Variants in SND1 observed in about 807,000 individuals in gnomAD.
SND1 encodes staphylococcal nuclease domain-containing protein 1.
SND1 carries 38 observed loss-of-function variants against 121.7 expected under a neutral mutation model. That is an observed-to-expected ratio of 0.31 (90% CI 0.24 to 0.41). SND1 has a LOEUF of 0.41. Among genes scored for constraint, SND1 ranks in the 10% least tolerant of loss-of-function variants. The probability of loss-of-function intolerance (pLI) is 1.00; values close to 1 mark genes in which losing one functional copy is unlikely to be tolerated. For synonymous variants in SND1, 401 were observed against 447.4 expected, an observed-to-expected ratio of 0.90 and a Z score of 1.31; for missense variants, 868 against 1,184.6, an observed-to-expected ratio of 0.73 and a Z score of 3.92.
chr7:127,847,083 C>T (rs768258379), intron 12 of SND1, among the ~76,000 whole-genome samples: 88 of 152,204 alleles, frequency 5.8e-4, no homozygotes, highest in Non-Finnish European at 9.9e-4. Context: ...GCCTAACCAA[C>T]ATGGTGAAAC....
chr7:127,881,256 A>G (rs1474670090), intron 12 of SND1, among the ~76,000 whole-genome samples: 3 of 152,160 alleles, frequency 2.0e-5, no homozygotes, highest in Non-Finnish European at 4.4e-5. Context: ...AAAGGGGTAC[A>G]TAAGCTTCTG....
At chr7:128,043,467 G>C (rs1792890901) in intron 16 of SND1, among the ~76,000 whole-genome samples, 1 of 151,984 alleles carries the variant, frequency 6.6e-6, no homozygotes, top group South Asian at 2.1e-4. Flanking sequence ...CCAGCTACTT[G>C]GGAGGCTGAG....
At chr7:127,815,124 G>T (rs937280129) in intron 11 of SND1, among the ~76,000 whole-genome samples, 16 of 152,062 alleles carry the variant, frequency 1.1e-4, no homozygotes, top group Non-Finnish European at 5.9e-5. Flanking sequence ...CATGAGTATT[G>T]CTAGCTTGGA....
intron 10 of SND1, among the ~76,000 whole-genome samples, chr7:127,792,426 G>T (rs928570089): frequency 1.3e-5 from 2 of 152,146 alleles, no homozygotes; most frequent in Admixed American, 1.3e-4. Flanking sequence ...GATCCAGTAA[G>T]GAGACAGAAA....
chr7:127,845,444 G>A (rs574024306), intron 12 of SND1, among the ~76,000 whole-genome samples: 12 of 152,246 alleles, frequency 7.9e-5, no homozygotes, highest in Non-Finnish European at 1.3e-4. Flanking sequence ...GGCATTTGAT[G>A]TTTACCTTCA....
At chr7:128,032,385 GGCGAGCGA>G (rs1010665287) in intron 16 of SND1, among the ~76,000 whole-genome samples, 3 of 151,542 alleles carry the variant, frequency 2.0e-5, no homozygotes, top group Non-Finnish European at 4.4e-5. Flanking sequence ...AGGGCGAGCG[GGCGAGCGA>G]GCCGGAGTGA....
intron 12 of SND1, among the ~76,000 whole-genome samples, chr7:127,880,977 A>G (rs1352606711): frequency 1.3e-5 from 2 of 152,146 alleles, no homozygotes; most frequent in Non-Finnish European, 2.9e-5. Flanking sequence ...AGATCTCACC[A>G]GATAATCAGG....
intron 13 of SND1, among the ~76,000 whole-genome samples, chr7:127,901,411 G>A (rs1415714010): frequency 6.6e-6 from 1 of 152,160 alleles, no homozygotes; most frequent in Non-Finnish European, 1.5e-5. Flanking sequence ...ATCTCTTGCT[G>A]TGGCATCAGA....
At chr7:127,720,212 A>T (rs555806261) in intron 9 of SND1, among the ~76,000 whole-genome samples, 1 of 152,186 alleles carries the variant, frequency 6.6e-6, no homozygotes, top group African/African-American at 2.4e-5. Context: ...TGTTTCACGC[A>T]TGAAAGAGGA....
At chr7:127,823,005 G>A (rs186522629) in intron 11 of SND1, among the ~76,000 whole-genome samples, 9 of 152,270 alleles carry the variant, frequency 5.9e-5, no homozygotes, top group African/African-American at 1.4e-4. Context: ...TTGTAAGAGC[G>A]TAATCGATAA....
At chr7:128,037,768 G>A (rs1792776605) in intron 16 of SND1, among the ~76,000 whole-genome samples, 1 of 152,200 alleles carries the variant, frequency 6.6e-6, no homozygotes, top group Admixed American at 6.5e-5. Context: ...CATCACATGA[G>A]CCAAGAGAAG....
At chr7:127,713,069 A>T (rs1468115021) in intron 9 of SND1, among the ~76,000 whole-genome samples, 1 of 152,260 alleles carries the variant, frequency 6.6e-6, no homozygotes, top group Non-Finnish European at 1.5e-5. Flanking sequence ...GTTGTAAAAC[A>T]GGGATTGGAC....
intron 15 of SND1, among the ~76,000 whole-genome samples, chr7:127,972,693 C>T (rs900857000): frequency 6.6e-6 from 1 of 152,218 alleles, no homozygotes; most frequent in African/African-American, 2.4e-5. Context: ...AATTATCCTA[C>T]CTCAGCCTCC....
intron 11 of SND1, among the ~76,000 whole-genome samples, chr7:127,809,222 T>C (rs1055319796): frequency 1.3e-5 from 2 of 152,206 alleles, no homozygotes; most frequent in Non-Finnish European, 2.9e-5. Flanking sequence ...TTAGGTTCCC[T>C]CTTGGTGAGA....
At chr7:127,678,488 TG>T (rs1435215347) in intron 1 of SND1, among the ~76,000 whole-genome samples, 2 of 152,192 alleles carry the variant, frequency 1.3e-5, no homozygotes, top group Non-Finnish European at 2.9e-5. Context: ...CATGAGCTCC[TG>T]GGCTTCCGGT....
At chr7:127,704,978 G>C (rs769838327) in intron 8 of SND1, 33 bp downstream of exon 8, 25 of 1,559,018 alleles carry the variant, frequency 1.6e-5, no homozygotes, top group East Asian at 2.2e-5. Context: ...TCCAGCTGTG[G>C]ATCTTGTTAA....
intron 15 of SND1, among the ~76,000 whole-genome samples, chr7:127,939,728 G>C (rs760329258): frequency 3.2e-4 from 48 of 152,054 alleles, no homozygotes; most frequent in Non-Finnish European, 6.0e-4. Context: ...TCCTGATTGG[G>C]GTGTTCAGCC....
At chr7:127,976,849 C>T (rs1249711041) in intron 15 of SND1, among the ~76,000 whole-genome samples, 8 of 152,304 alleles carry the variant, frequency 5.3e-5, no homozygotes, top group African/African-American at 1.9e-4. Context: ...TGCTGAGAGA[C>T]AGAGAATGAA....
intron 16 of SND1, among the ~76,000 whole-genome samples, chr7:128,041,486 A>G (rs1229752595): frequency 2.6e-5 from 4 of 152,156 alleles, no homozygotes; most frequent in South Asian, 2.1e-4. Flanking sequence ...CAAGCCTCCA[A>G]TCTGCTCTTG....
Sources: allele counts gnomAD v4.1 joint callset (sites outside exome capture counted in the v4.1 genomes callset), GRCh38; gene constraint gnomAD v4.1.1; transcripts MANE v1.5; gene names NCBI Gene and HGNC (gene_info 2026-07-23, HGNC 2026-07-21).